The following MUC12 variants were observed in gnomAD, a reference collection of about 807,000 sequenced individuals.
MUC12 encodes mucin-12.
MUC12 carries 172 observed loss-of-function variants against 230.8 expected under a neutral mutation model. The ratio of observed to expected loss-of-function variants is 0.75; its 90% CI spans 0.66 to 0.85. The LOEUF (loss-of-function observed/expected upper bound fraction) is 0.85, where lower values mean the gene tolerates loss of function less well. MUC12 is among the 40% of genes least tolerant of loss of function. The probability of loss-of-function intolerance (pLI) is 0.00; values close to 1 mark genes in which losing one functional copy is unlikely to be tolerated. For missense variants in MUC12, 3,506 were observed against 5,920.6 expected (o/e 0.59, Z 13.38); for synonymous variants, 1,259 against 2,401.9 (o/e 0.52, Z 13.91).
In MUC12 at chr7:100,989,873, A is replaced by G. The variant is rs1385262783; in HGVS notation, c.68-758A>G. 2.6e-5 allele frequency among the ~76,000 whole-genome samples: 4 copies of G among 151,974 alleles called. No homozygotes were observed. The East Asian group carries it at 5.8e-4, about 22-fold the overall frequency. On this transcript the variant is annotated intron_variant, in intron 1 of 11. Coordinates refer to ENST00000536621, the MANE Select transcript of MUC12 (RefSeq NM_001164462.2). ...ACCTGGCTAATTTTTTTGTATTTTT[A>G]ATAGAGATGGGGTTTCACTATGTTG...
At position 100,991,882 on chromosome 7, in the gene MUC12, C is replaced by T. The variant is rs1793319912; in HGVS notation, c.1319C>T (p.Ser440Phe). The T allele has an allele frequency of 6.5e-7, 1 of 1,537,532 alleles. No individual in the cohort carries two copies. Among genetic ancestry groups the T allele is most frequent in the East Asian group, 2.4e-5 (1 of 40,914 alleles). The change falls in exon 2 of 12, where the codon TCC becomes TTC. Residue 440 changes from serine (S) to phenylalanine (F), a missense_variant. Coordinates refer to ENST00000536621, the MANE Select transcript of MUC12 (RefSeq NM_001164462.2). The stretch of plus-strand genomic sequence containing the variant: ...GGCCGTAGTGAGGAATCAAAAGCAT[C>T]CCACAGCAGCCCAGATGCAATGGCA... ...ISGRSEESKASHSSPDAMATT... is the reference protein window; with the variant it reads ...ISGRSEESKAFHSSPDAMATT...
chr7:100,995,764 C>A lies in MUC12; in HGVS notation c.5201C>A (p.Thr1734Asn). Reference sequence around the variant, plus strand: ...ACCCACTTTTCTGCCAGCTCCACAACCTTGGGCCGTAGTGAGGAATCGACA... The same window carrying A: ...ACCCACTTTTCTGCCAGCTCCACAAACTTGGGCCGTAGTGAGGAATCGACA... ...PTTHFSASST[T>N]LGRSEESTTV... Residue 1734 changes from threonine to asparagine, a missense_variant, in exon 2 of 12, where the codon ACC becomes AAC. Thr to Asn is a moderately conservative substitution (Grantham distance 65). Coordinates refer to ENST00000536621, the MANE Select transcript of MUC12 (RefSeq NM_001164462.2). The A allele has an allele frequency of 3.3e-6, 5 of 1,532,712 alleles. No individual in the cohort carries two copies. Among genetic ancestry groups the A allele is most frequent in the South Asian group, 1.2e-5 (1 of 83,750 alleles). 94.9% of individuals were successfully genotyped at this position (1,532,712 alleles called of 1,614,324 possible).
chr7:100,969,807 GC>G, intron 1 of MUC12, 118 bp downstream of exon 1: 1 of 1,426,860 alleles, frequency 7.0e-7, no homozygotes, highest in Non-Finnish European at 9.5e-7. Context: ...GCAAGGGGCT[GC>G]CACAGGGCTG....
chr7:101,012,829 G>A lies in MUC12; in HGVS notation c.15414G>A (p.Leu5138=). The change falls in exon 7 of 12, where the codon CTG becomes CTA. Residue 5138 remains leucine, a synonymous_variant. Coordinates refer to ENST00000536621, the MANE Select transcript of MUC12 (RefSeq NM_001164462.2). ...ATCCACTCTCGGCAGAGGCCATACT[G>A]TGCTATAGTGAAGAGGACACTTTCG... is the stretch of plus-strand genomic sequence containing the variant. ...LDPDSCRKAI[L]CYSEEDTFVD... The A allele has an allele frequency of 1.3e-6, 2 of 1,537,292 alleles. No homozygotes were observed. Among genetic ancestry groups the A allele is most frequent in the South Asian group, 1.2e-5 (1 of 84,064 alleles).
intron 1 of MUC12, among the ~76,000 whole-genome samples, chr7:100,970,248 A>G (rs1053108241): frequency 6.6e-6 from 1 of 152,274 alleles, no homozygotes; most frequent in East Asian, 1.9e-4. Context: ...GCACTTTGGG[A>G]GGCCAAGGTG....
intron 5 of MUC12, among the ~76,000 whole-genome samples, chr7:101,011,903 C>A (rs1793844075): frequency 6.6e-6 from 1 of 151,942 alleles, no homozygotes; most frequent in African/African-American, 2.4e-5. Flanking sequence ...GTATATATAC[C>A]CAGAAGTAGA....
chr7:101,017,530 C>T, intron 10 of MUC12, 45 bp from the exon 11 acceptor site: 1 of 1,264,164 alleles, frequency 7.9e-7, no homozygotes, highest in Non-Finnish European at 1.1e-6. Context: ...CCCTAGTCCT[C>T]CCCCTACCAA....
Position 101,005,320 on chromosome 7 carries a change from C to G in MUC12, c.14757C>G (p.Pro4919=), listed in dbSNP as rs539534294. The G allele has an allele frequency of 3.3e-6, 5 of 1,537,910 alleles. No homozygotes were observed. In the Admixed American group the frequency reaches 7.8e-5, roughly 24 times the overall value. Residue 4919 remains proline (P), a synonymous_variant, in exon 2 of 12, where the codon CCC becomes CCG. Coordinates refer to ENST00000536621, the MANE Select transcript of MUC12 (RefSeq NM_001164462.2). ...HSSSDATGTT[P]LPARSTASDL... is the part of the protein sequence containing the mutation. Reference sequence around the variant, plus strand: ...GCTCAGACGCAACTGGAACAACACCCTTACCTGCCCGCTCCACAGCCTCAG... The same window carrying G: ...GCTCAGACGCAACTGGAACAACACCGTTACCTGCCCGCTCCACAGCCTCAG...
At chr7:101,012,914 G>C in intron 7 of MUC12, 24 bp downstream of exon 7, 1 of 1,537,244 alleles carries the variant, frequency 6.5e-7, no homozygotes. Flanking sequence ...TGGAGCGTGG[G>C]CACTAAGAGT....
intron 3 of MUC12, among the ~76,000 whole-genome samples, chr7:101,006,781 T>C (rs1049790757): frequency 6.6e-6 from 1 of 152,056 alleles, no homozygotes; most frequent in Admixed American, 6.6e-5. Flanking sequence ...GTCGATTTTT[T>C]TTAATTTTTA....
Position 100,995,567 on chromosome 7 carries a change from A to T in MUC12, c.5004A>T (p.Gly1668=), listed in dbSNP as rs1254426836. 14 of 1,536,344 alleles carry T rather than the reference A, an allele frequency of 9.1e-6. 1 individual carries two copies. The East Asian group carries it at 3.2e-4, about 35-fold the overall frequency. The change falls in exon 2 of 12, where the codon GGA becomes GGT. Residue 1668 remains glycine (G), a synonymous_variant. Coordinates refer to ENST00000536621, the MANE Select transcript of MUC12 (RefSeq NM_001164462.2). Reference sequence around the variant, plus strand: ...CTACGCCCGTCCACAGCAGCACTGGATCGCCACACACAACACTGTCCCCTG... The same window carrying T: ...CTACGCCCGTCCACAGCAGCACTGGTTCGCCACACACAACACTGTCCCCTG... ...EASTPVHSST[G]SPHTTLSPAG... is the part of the protein sequence containing the mutation.
Position 100,991,830 on chromosome 7 carries a change from C to A in MUC12, c.1267C>A (p.His423Asn), listed in dbSNP as rs1334937346. The change falls in exon 2 of 12, where the codon CAC (histidine) becomes AAC (asparagine). Residue 423 changes from histidine (H) to asparagine (N), a missense_variant. By Grantham distance (68) the His-to-Asn change is moderately conservative (BLOSUM62 1). Coordinates refer to ENST00000536621, the MANE Select transcript of MUC12 (RefSeq NM_001164462.2). ...HSSLGSTETT[H>N]FRDSSTISGR... ...CAGCCTGGGCTCAACTGAAACAACACACTTCCGTGATAGCTCCACAATCTC... is the reference window on the plus strand; with the variant it reads ...CAGCCTGGGCTCAACTGAAACAACAAACTTCCGTGATAGCTCCACAATCTC... 6.5e-6 allele frequency: 10 copies of A among 1,537,708 alleles called. No homozygotes were observed. The highest frequency in any genetic ancestry group is 8.7e-6 in the Non-Finnish European group (10 of 1,146,840).
At position 100,990,645 on chromosome 7, in the gene MUC12, A is replaced by G. The variant is rs1028509118; in HGVS notation, c.82A>G (p.Thr28Ala). The G allele has an allele frequency of 3.3e-6, 5 of 1,537,460 alleles. No homozygotes were observed. In the Admixed American group the frequency reaches 9.8e-5, roughly 30 times the overall value. The change falls in exon 2 of 12, where the codon ACC becomes GCC. Residue 28 changes from threonine (T) to alanine (A), a missense_variant. Coordinates refer to ENST00000536621, the MANE Select transcript of MUC12 (RefSeq NM_001164462.2). ...TCAAATCACAGGCTCAACAGTAAACACCAGTATTGGAGGTAATACAACTTC... is the reference window on the plus strand; with the variant it reads ...TCAAATCACAGGCTCAACAGTAAACGCCAGTATTGGAGGTAATACAACTTC... Reference protein sequence around the residue: ...TTVTPGSTVNTSIGGNTTSAS... With the variant: ...TTVTPGSTVNASIGGNTTSAS...
chr7:100,978,934 C>T (rs1215148935), intron 1 of MUC12, among the ~76,000 whole-genome samples: 3 of 152,186 alleles, frequency 2.0e-5, no homozygotes, highest in African/African-American at 7.2e-5. Flanking sequence ...CTCAGCCTCT[C>T]AAGTAGCTGG....
intron 6 of MUC12, 73 bp from the exon 7 acceptor site, chr7:101,012,746 G>C (rs1167803143): frequency 2.7e-6 from 4 of 1,473,612 alleles, no homozygotes; most frequent in Non-Finnish European, 3.7e-6. Context: ...ATAGAAGAGA[G>C]AGGCCTGGCT....
intron 3 of MUC12, among the ~76,000 whole-genome samples, chr7:101,008,325 T>A (rs1793788651): frequency 6.6e-6 from 1 of 151,390 alleles, no homozygotes; most frequent in Non-Finnish European, 1.5e-5. Context: ...AGGGTCTCAC[T>A]TTGTTGCCCA....
chr7:101,015,639 G>C lies in MUC12; in HGVS notation c.15825G>C (p.Glu5275Asp). The change falls in exon 10 of 12, where the codon GAG becomes GAC. Residue 5275 changes from glutamate (E) to aspartate (D), a missense_variant. By Grantham distance (45) the Glu-to-Asp change is conservative (BLOSUM62 2). Coordinates refer to ENST00000536621, the MANE Select transcript of MUC12 (RefSeq NM_001164462.2). ...GGGAACAGTATGATGTGCCTCAAGA[G>C]TGGCGAAAGGAAGGCACCCCTGGCA... ...RHREQYDVPQEWRKEGTPGIF... is the reference protein window; with the variant it reads ...RHREQYDVPQDWRKEGTPGIF... 1 of 1,537,728 alleles carries C rather than the reference G, an allele frequency of 6.5e-7. No homozygotes were observed. Among genetic ancestry groups the C allele is most frequent in the Non-Finnish European group, 8.7e-7 (1 of 1,147,008 alleles).
intron 9 of MUC12, chr7:101,014,480 C>CTTT: frequency 6.7e-6 from 1 of 150,200 alleles, no homozygotes; most frequent in Non-Finnish European, 1.5e-5. Flanking sequence ...GCTGAACTCA[C>CTTT]TTTTTTTTTT....
rs532704724 is a variant in MUC12 at position 100,991,245 on chromosome 7, C to G, written c.682C>G (p.Pro228Ala). The change falls in exon 2 of 12, where the codon CCA becomes GCA. Residue 228 changes from proline (P) to alanine (A), a missense_variant. Pro to Ala is a conservative substitution (Grantham distance 27). Coordinates refer to ENST00000536621, the MANE Select transcript of MUC12 (RefSeq NM_001164462.2). ...AGAATCTACTACCTTCCACAGCAGC[C>G]CAGGCTACACTAAAACAACACGCTT... ...GPESTTFHSS[P>A]GYTKTTRLPD... 6.5e-7 allele frequency: 1 copy of G among 1,537,616 alleles called. No homozygotes were observed. Among genetic ancestry groups the G allele is most frequent in the South Asian group, 1.2e-5 (1 of 84,048 alleles).
Sources: gnomAD v4.1 joint callset for allele counts (sites outside exome capture counted in the v4.1 genomes callset) on GRCh38, gnomAD v4.1.1 for gene constraint, MANE v1.5 for transcripts, NCBI Gene and HGNC (gene_info 2026-07-23, HGNC 2026-07-21) for gene names.